TBC1D5: variants seen among roughly 807,000 people sequenced by gnomAD.
TBC1D5 encodes the protein TBC1 domain family, member 5.
A neutral mutation model predicts 100.3 loss-of-function variants in TBC1D5; 75 were observed. The observed-to-expected ratio is 0.75, with a 90% CI of 0.62 to 0.91. The LOEUF is 0.91. TBC1D5 is among the 40% of genes least tolerant of loss of function. The pLI, the probability that TBC1D5 is intolerant of heterozygous loss-of-function variation, is 0.00. For synonymous variants in TBC1D5, 323 were observed against 325.6 expected (o/e 0.99, Z 0.09); for missense variants, 910 against 942.4 (o/e 0.97, Z 0.45).
At chr3:17,161,205 T>C (rs201567498) in exon 22 of TBC1D5, 1 of 1,614,142 alleles carries the variant, frequency 6.2e-7, no homozygotes, top group Non-Finnish European at 8.5e-7. Context: ...GAAATCAGGA[T>C]GAAGTCATCG....
intron 17 of TBC1D5, among the ~76,000 whole-genome samples, chr3:17,214,788 AAAG>A (rs2073424423): frequency 6.6e-6 from 1 of 152,140 alleles, no homozygotes; most frequent in African/African-American, 2.4e-5. Flanking sequence ...ATCTTTGGCC[AAAG>A]TTTTTCAAAA....
At chr3:17,403,559 T>C (rs2093696103) in intron 7 of TBC1D5, among the ~76,000 whole-genome samples, 1 of 151,734 alleles carries the variant, frequency 6.6e-6, no homozygotes, top group South Asian at 2.1e-4. Context: ...AAAATAGCAA[T>C]ACAACAATAA....
chr3:17,372,331 A>C (rs574840781), intron 12 of TBC1D5, 84 bp from the exon 13 acceptor site: 9 of 1,283,868 alleles, frequency 7.0e-6, no homozygotes, highest in Non-Finnish European at 8.3e-6. Flanking sequence ...ATGACAGTTT[A>C]AACAAGAAGT....
chr3:17,543,997 A>AG (rs1166902172), intron 2 of TBC1D5, among the ~76,000 whole-genome samples: 1 of 151,810 alleles, frequency 6.6e-6, no homozygotes, highest in Non-Finnish European at 1.5e-5. Flanking sequence ...CCTCCCGAGT[A>AG]GCTAAGACTA....
intron 15 of TBC1D5, among the ~76,000 whole-genome samples, chr3:17,266,350 CT>C (rs556329915): frequency 9.8e-4 from 149 of 152,258 alleles, no homozygotes; most frequent in African/African-American, 3.5e-3. Context: ...GGGATATTGC[CT>C]GAATATTATC....
At chr3:17,352,111 G>T (rs1240279110) in intron 13 of TBC1D5, among the ~76,000 whole-genome samples, 2 of 151,824 alleles carry the variant, frequency 1.3e-5, no homozygotes, top group Non-Finnish European at 2.9e-5. Context: ...GATGCTAAAT[G>T]TAAGGACACA....
At chr3:17,606,422 G>A (rs1332259809) in intron 2 of TBC1D5, among the ~76,000 whole-genome samples, 3 of 152,062 alleles carry the variant, frequency 2.0e-5, no homozygotes, top group Admixed American at 2.0e-4. Context: ...ACTCCAGTCT[G>A]GGCAACAGAG....
chr3:17,182,233 T>C (rs2068532944), intron 19 of TBC1D5, among the ~76,000 whole-genome samples: 1 of 152,180 alleles, frequency 6.6e-6, no homozygotes, highest in Non-Finnish European at 1.5e-5. Context: ...TAGCATCCCT[T>C]AATCCCACTT....
intron 19 of TBC1D5, among the ~76,000 whole-genome samples, chr3:17,176,963 A>G (rs979987571): frequency 6.6e-6 from 1 of 152,224 alleles, no homozygotes; most frequent in Non-Finnish European, 1.5e-5. Context: ...TACAACGCCA[A>G]GGCAGCCACT....
chr3:17,390,997 G>T (rs544136565), intron 8 of TBC1D5, among the ~76,000 whole-genome samples: 1 of 152,064 alleles, frequency 6.6e-6, no homozygotes, highest in Non-Finnish European at 1.5e-5. Flanking sequence ...CTAGCCAATG[G>T]AATGAGAGAG....
At chr3:17,426,369 T>C (rs1222644528) in intron 4 of TBC1D5, among the ~76,000 whole-genome samples, 1 of 152,252 alleles carries the variant, frequency 6.6e-6, no homozygotes, top group East Asian at 1.9e-4. Flanking sequence ...AATCCACAAG[T>C]AAGCTCATTA....
At chr3:17,383,125 TAG>T (rs1201601352) in intron 9 of TBC1D5, among the ~76,000 whole-genome samples, 1 of 152,018 alleles carries the variant, frequency 6.6e-6, no homozygotes, top group African/African-American at 2.4e-5. Context: ...TCCTTAAATC[TAG>T]TTTATTTCAA....
intron 16 of TBC1D5, among the ~76,000 whole-genome samples, chr3:17,241,773 G>C (rs1261079073): frequency 2.0e-5 from 3 of 152,134 alleles, no homozygotes; most frequent in Admixed American, 1.3e-4. Context: ...ACAGTCAACT[G>C]ATCTCAATTT....
At chr3:17,446,928 A>G (rs111867317) in intron 3 of TBC1D5, among the ~76,000 whole-genome samples, 13,692 of 151,534 alleles carry the variant, frequency 0.09, 1,394 homozygotes, top group African/African-American at 0.25. Flanking sequence ...CCGAGATCAC[A>G]CCACTGCACT....
At chr3:17,358,086 C>T (rs1451852873) in intron 13 of TBC1D5, among the ~76,000 whole-genome samples, 1 of 152,156 alleles carries the variant, frequency 6.6e-6, no homozygotes, top group African/African-American at 2.4e-5. Context: ...TGCTTGGAAA[C>T]TGGTGAGCTA....
chr3:17,382,131 T>C (rs1038221929), intron 9 of TBC1D5, among the ~76,000 whole-genome samples: 4 of 152,076 alleles, frequency 2.6e-5, no homozygotes, highest in Non-Finnish European at 4.4e-5. Context: ...ATGATGATGA[T>C]AATAAAAACA....
exon 1 of TBC1D5, chr3:17,740,734 A>G (rs1348735131): frequency 6.6e-6 from 1 of 152,228 alleles, no homozygotes; most frequent in Admixed American, 6.5e-5. Flanking sequence ...TTGAGAGCAC[A>G]CACTCAATAC....
intron 16 of TBC1D5, among the ~76,000 whole-genome samples, chr3:17,247,248 A>C (rs1483395686): frequency 6.6e-6 from 1 of 152,190 alleles, no homozygotes; most frequent in Non-Finnish European, 1.5e-5. Flanking sequence ...GGAGAGAACA[A>C]CTGAAAGTTT....
intron 14 of TBC1D5, among the ~76,000 whole-genome samples, chr3:17,296,590 T>G (rs1205349668): frequency 6.6e-6 from 1 of 152,228 alleles, no homozygotes; most frequent in Non-Finnish European, 1.5e-5. Flanking sequence ...CTCTTCAGTT[T>G]TGGAGAAAGC....
Sources: allele counts gnomAD v4.1 joint callset (sites outside exome capture counted in the v4.1 genomes callset), GRCh38; gene constraint gnomAD v4.1.1; transcripts MANE v1.5; gene names NCBI Gene and HGNC (gene_info 2026-07-23, HGNC 2026-07-21).